Variants in GRID2 observed in about 807,000 individuals in gnomAD.
GRID2 encodes the protein glutamate receptor ionotropic, delta-2.
Under a neutral mutation model 114.8 loss-of-function variants are expected in GRID2, and 33 were observed. That is an observed-to-expected ratio of 0.29 (90% confidence interval 0.22 to 0.38). GRID2 has a LOEUF of 0.38. GRID2 is among the 10% of genes least tolerant of loss of function. GRID2 has a pLI of 1.00. For missense variants in GRID2, 1,184 were observed against 1,257.7 expected (o/e 0.94, Z 0.89); for synonymous variants, 505 against 449.9 (o/e 1.12, Z -1.55).
intron 2 of GRID2, among the ~76,000 whole-genome samples, chr4:92,954,014 A>G (rs1389327795): frequency 6.6e-6 from 1 of 152,160 alleles, no homozygotes; most frequent in East Asian, 1.9e-4. Context: ...ACATTCCATT[A>G]TATGATATTT....
In GRID2 at chr4:93,021,181, A is replaced by G. The variant is rs558364281; in HGVS notation, c.245-63814A>G. ...TTTACATATAAAATATAAATGCCTG[A>G]AAAAATAAGTTTTGTATTATTCATG... is the stretch of plus-strand genomic sequence containing the variant. On this transcript the variant is annotated intron_variant, in intron 2 of 15. Transcript: ENST00000282020. Among the ~76,000 whole-genome samples, 356 of 152,136 alleles carry G rather than the reference A, an allele frequency of 2.3e-3. 2 individuals carry two copies. The highest frequency in any genetic ancestry group is 8.2e-3 in the African/African-American group (339 of 41,560).
At chr4:93,676,593 AATG>A (rs1405770324) in intron 14 of GRID2, among the ~76,000 whole-genome samples, 1 of 152,152 alleles carries the variant, frequency 6.6e-6, no homozygotes, top group African/African-American at 2.4e-5. Context: ...AACATAATAC[AATG>A]ATAACTTAAG....
At chr4:93,448,808 T>C (rs1269610689) in intron 10 of GRID2, among the ~76,000 whole-genome samples, 37 of 9,486 alleles carry the variant, frequency 3.9e-3, no homozygotes, top group African/African-American at 0.016. Flanking sequence ...TCCCTTCCCT[T>C]CCCTTCCCTT....
intron 1 of GRID2, among the ~76,000 whole-genome samples, chr4:92,568,298 T>A (rs1231476298): frequency 6.6e-6 from 1 of 152,014 alleles, no homozygotes; most frequent in Admixed American, 6.6e-5. Context: ...TGTCTGATTA[T>A]AGAAGACTCA....
At chr4:92,969,344 A>G (rs780635477) in intron 2 of GRID2, among the ~76,000 whole-genome samples, 1 of 151,782 alleles carries the variant, frequency 6.6e-6, no homozygotes, top group Non-Finnish European at 1.5e-5. Flanking sequence ...TAACTGCCTT[A>G]TTAGATGCTG....
intron 4 of GRID2, among the ~76,000 whole-genome samples, chr4:93,132,999 CAGAT>C (rs1326912329): frequency 1.3e-5 from 2 of 152,172 alleles, no homozygotes; most frequent in African/African-American, 4.8e-5. Context: ...GTTAAGCAAA[CAGAT>C]AGTTTTGCTG....
rs532460294 is a variant in GRID2 at position 92,629,052 on chromosome 4, C to T, written c.244+38766C>T. Among the ~76,000 whole-genome samples, 21 of 151,180 alleles carry T rather than the reference C, an allele frequency of 1.4e-4. No individual in the cohort carries two copies. In the South Asian group the frequency reaches 3.6e-3, roughly 26 times the overall value. On this transcript the variant is annotated intron_variant, in intron 2 of 15. Coordinates refer to ENST00000282020, the MANE Select transcript of GRID2 (RefSeq NM_001510.4). ...CTTGATGTTTCTTATATTCATAATC[C>T]CAGGGCTCACTAGATACAGTTAATA...
intron 2 of GRID2, among the ~76,000 whole-genome samples, chr4:92,733,055 G>T (rs1736405476): frequency 6.6e-6 from 1 of 151,860 alleles, no homozygotes; most frequent in Non-Finnish European, 1.5e-5. Flanking sequence ...TTTAAATCAG[G>T]AAACCCACAC....
chr4:93,556,994 C>T (rs1734385204), intron 13 of GRID2, among the ~76,000 whole-genome samples: 1 of 152,172 alleles, frequency 6.6e-6, no homozygotes, highest in Non-Finnish European at 1.5e-5. Flanking sequence ...CCAAACTAAG[C>T]TTCATCAGCG....
rs1729618261 is a variant in GRID2, at chr4:93,515,414, A to G, written c.2193+3A>G. ...AGTCCCAGGCAGGCATTCAAAAGGT[A>G]CTGTCCATGGTTCTCCTTTAATAGT... On this transcript the variant is annotated splice_donor_region_variant and intron_variant, in intron 13 of 15. Transcript: ENST00000282020. 2 of 1,587,898 alleles carry G rather than the reference A, an allele frequency of 1.3e-6. No homozygotes were observed. The highest frequency in any genetic ancestry group is 1.7e-6 in the Non-Finnish European group (2 of 1,157,102).
intron 2 of GRID2, among the ~76,000 whole-genome samples, chr4:92,689,015 G>A (rs1158797376): frequency 5.3e-5 from 8 of 152,094 alleles, no homozygotes; most frequent in Non-Finnish European, 7.4e-5. Flanking sequence ...AATCTTGTAC[G>A]TCTCTATAAG....
At chr4:92,912,788 G>A (rs1372375870) in intron 2 of GRID2, among the ~76,000 whole-genome samples, 1 of 151,804 alleles carries the variant, frequency 6.6e-6, no homozygotes, top group Non-Finnish European at 1.5e-5. Flanking sequence ...CTTAAAGTTT[G>A]AGACTTTATA....
chr4:93,755,370 A>G (rs1214257944), intron 14 of GRID2, among the ~76,000 whole-genome samples: 2 of 152,210 alleles, frequency 1.3e-5, no homozygotes, highest in African/African-American at 4.8e-5. Context: ...GTAGAGCAGT[A>G]ACACATCAAT....
intron 1 of GRID2, among the ~76,000 whole-genome samples, chr4:92,576,773 T>A (rs961494578): frequency 6.6e-5 from 10 of 152,148 alleles, no homozygotes; most frequent in African/African-American, 2.4e-4. Context: ...ATCGCTTCCC[T>A]TAGCTGGTAT....
intron 2 of GRID2, among the ~76,000 whole-genome samples, chr4:92,889,059 A>T (rs1746566254): frequency 6.6e-6 from 1 of 152,156 alleles, no homozygotes; most frequent in Admixed American, 6.6e-5. Flanking sequence ...AAACCAAGAC[A>T]GTATGTTTTA....
At chr4:92,500,883 A>C (rs1255801548) in intron 1 of GRID2, among the ~76,000 whole-genome samples, 2 of 152,136 alleles carry the variant, frequency 1.3e-5, no homozygotes, top group Non-Finnish European at 2.9e-5. Context: ...TTAATTAATC[A>C]GAGTCTCCCA....
At position 92,590,292 on chromosome 4, in the gene GRID2, G is replaced by A. The variant is rs1314765856; in HGVS notation, c.244+6G>A. 1.9e-6 allele frequency: 3 copies of A among 1,601,270 alleles called. No individual in the cohort carries two copies. The East Asian group carries it at 6.7e-5, about 36-fold the overall frequency. The stretch of plus-strand genomic sequence containing the variant: ...TTTCCAAGCAGTTCAAGAAGGTAAG[G>A]TCATCAGTATTTATTTTGGTTTTTT... On this transcript the variant is annotated splice_donor_region_variant and intron_variant, in intron 2 of 15. Coordinates refer to ENST00000282020, the MANE Select transcript of GRID2 (RefSeq NM_001510.4).
chr4:93,365,252 T>A (rs558761129), intron 8 of GRID2, among the ~76,000 whole-genome samples: 52 of 152,272 alleles, frequency 3.4e-4, no homozygotes, highest in Non-Finnish European at 6.0e-4. Flanking sequence ...CTATAAACCA[T>A]CCAGGCCCAA....
intron 2 of GRID2, among the ~76,000 whole-genome samples, chr4:93,064,771 T>C (rs1057030959): frequency 6.6e-6 from 1 of 151,926 alleles, no homozygotes; most frequent in East Asian, 1.9e-4. Flanking sequence ...TCCCAAATAG[T>C]TGGTGTCAGT....
Sources: gnomAD v4.1 joint callset for allele counts (sites outside exome capture counted in the v4.1 genomes callset) on GRCh38, gnomAD v4.1.1 for gene constraint, MANE v1.5 for transcripts, NCBI Gene and HGNC (gene_info 2026-07-23, HGNC 2026-07-21) for gene names.